The following FMN1 variants were observed in gnomAD, a reference collection of about 807,000 sequenced individuals.
The protein encoded by FMN1 is formin 1.
Under a neutral mutation model 132.4 loss-of-function variants are expected in FMN1, and 110 were observed. The ratio of observed to expected loss-of-function variants is 0.83; its 90% CI spans 0.71 to 0.97. FMN1 has a LOEUF of 0.97. FMN1 is among the 50% of genes least tolerant of loss of function. The pLI, the probability that FMN1 is intolerant of heterozygous loss-of-function variation, is 0.00. For missense variants in FMN1, 1,792 were observed against 1,705.3 expected, an observed-to-expected ratio of 1.05 and a Z score of -0.90; for synonymous variants, 722 against 651.7, an observed-to-expected ratio of 1.11 and a Z score of -1.64.
At chr15:32,893,379 TGTGCGCGCTCGTGC>T (rs368819579) in intron 15 of FMN1, among the ~76,000 whole-genome samples, 262 of 152,372 alleles carry the variant, frequency 1.7e-3, no homozygotes, top group African/African-American at 6.0e-3. Context: ...CGTGTGTGTG[TGTGCGCGCTCGTGC>T]GCGCGCTAGA....
In FMN1 at chr15:32,949,074, T is replaced by G. The variant is rs555446922; in HGVS notation, c.3138+15033A>C. Among the ~76,000 whole-genome samples the G allele has an allele frequency of 8.1e-4, 123 of 152,232 alleles. 2 individuals carry two copies. The South Asian group carries it at 0.023, about 29-fold the overall frequency. ...ATACATTTCAGCTACATCCTATGAG[T>G]CTTATCAGTATTTTTGTTTTTTGCT... is the stretch of plus-strand genomic sequence containing the variant. On this transcript the variant is annotated intron_variant, in intron 9 of 20. Coordinates refer to ENST00000616417, the MANE Select transcript of FMN1 (RefSeq NM_001277313.2).
chr15:33,001,295 A>C (rs969635855), intron 7 of FMN1, among the ~76,000 whole-genome samples: 1 of 152,198 alleles, frequency 6.6e-6, no homozygotes, highest in South Asian at 2.1e-4. Flanking sequence ...AAAAGAAAAA[A>C]AAAAGTGTAG....
At chr15:32,802,760 C>T (rs533010962) in intron 18 of FMN1, among the ~76,000 whole-genome samples, 2 of 152,280 alleles carry the variant, frequency 1.3e-5, no homozygotes, top group African/African-American at 2.4e-5. Context: ...CTGACACCAA[C>T]GTGCCCTTGT....
chr15:33,141,297 A>G (rs1180828120), intron 4 of FMN1, among the ~76,000 whole-genome samples: 1 of 152,148 alleles, frequency 6.6e-6, no homozygotes, highest in Non-Finnish European at 1.5e-5. Context: ...TCAGTTCAAA[A>G]TCCACCTGAA....
intron 6 of FMN1, among the ~76,000 whole-genome samples, chr15:33,058,087 G>GC (rs2037314945): frequency 6.6e-6 from 1 of 151,802 alleles, no homozygotes; most frequent in Non-Finnish European, 1.5e-5. Flanking sequence ...AGGTGTGATG[G>GC]GGGTGCTGGT....
intron 4 of FMN1, among the ~76,000 whole-genome samples, chr15:33,128,703 G>A (rs985260090): frequency 3.9e-5 from 6 of 152,206 alleles, no homozygotes; most frequent in Non-Finnish European, 7.3e-5. Context: ...TAAACCCGCG[G>A]ACCCTCACGG....
chr15:32,941,473 T>C (rs1383943941), intron 9 of FMN1, among the ~76,000 whole-genome samples: 1 of 152,216 alleles, frequency 6.6e-6, no homozygotes, highest in Non-Finnish European at 1.5e-5. Context: ...TACATTTAGA[T>C]AATGCACACA....
At chr15:32,802,835 G>A (rs1476615441) in intron 18 of FMN1, among the ~76,000 whole-genome samples, 1 of 152,114 alleles carries the variant, frequency 6.6e-6, no homozygotes, top group Admixed American at 6.6e-5. Context: ...CATTGTGAAG[G>A]GAAGCTTAAC....
At chr15:32,854,671 G>C (rs910514495) in intron 17 of FMN1, among the ~76,000 whole-genome samples, 16 of 152,300 alleles carry the variant, frequency 1.1e-4, no homozygotes, top group Admixed American at 3.3e-4. Flanking sequence ...CCAGCACTTT[G>C]GGAGGCCGAG....
chr15:33,142,870 T>G (rs1372265005), intron 4 of FMN1, among the ~76,000 whole-genome samples: 1 of 152,210 alleles, frequency 6.6e-6, no homozygotes, highest in Admixed American at 6.5e-5. Flanking sequence ...GGCTATAAAA[T>G]GTACCTTGGT....
chr15:33,151,962 T>G (rs916162673), intron 4 of FMN1, among the ~76,000 whole-genome samples: 13 of 152,210 alleles, frequency 8.5e-5, no homozygotes, highest in African/African-American at 2.4e-4. Flanking sequence ...TTTATAAAAT[T>G]TCACAAGTTC....
intron 4 of FMN1, among the ~76,000 whole-genome samples, chr15:33,120,690 T>A (rs984234223): frequency 6.6e-6 from 1 of 152,208 alleles, no homozygotes; most frequent in African/African-American, 2.4e-5. Flanking sequence ...ATCTACATCA[T>A]TCTTTTAAGT....
intron 17 of FMN1, among the ~76,000 whole-genome samples, chr15:32,834,976 G>A (rs557628516): frequency 2.6e-4 from 40 of 152,338 alleles, no homozygotes; most frequent in African/African-American, 9.1e-4. Flanking sequence ...TGCCATTGCA[G>A]TTTGGCTTTG....
intron 3 of FMN1, among the ~76,000 whole-genome samples, chr15:33,157,188 C>G (rs1964705058): frequency 6.6e-6 from 1 of 151,400 alleles, no homozygotes; most frequent in South Asian, 2.1e-4. Flanking sequence ...TCCCTTGAAC[C>G]CAGGAGGCCA....
rs929542783 is a variant in FMN1 at position 32,925,297 on chromosome 15, A to C, written c.3226+877T>G. 6.3e-4 allele frequency among the ~76,000 whole-genome samples: 96 copies of C among 152,236 alleles called. 1 individual carries two copies. The highest frequency in any genetic ancestry group is 1.2e-3 in the Admixed American group (19 of 15,286). On this transcript the variant is annotated intron_variant, in intron 10 of 20. Transcript: ENST00000616417. Reference sequence around the variant, plus strand: ...GAAATAATAAATCCAGGCAAAGATAATAAGTGCTCACTAACATCACAGATA... The same window carrying C: ...GAAATAATAAATCCAGGCAAAGATACTAAGTGCTCACTAACATCACAGATA...
intron 7 of FMN1, among the ~76,000 whole-genome samples, chr15:32,999,262 T>G (rs1405136016): frequency 6.6e-6 from 1 of 152,214 alleles, no homozygotes; most frequent in African/African-American, 2.4e-5. Flanking sequence ...TTAAATGTAT[T>G]GTGTTGATAA....
chr15:33,067,892 T>G (rs2037822312), intron 5 of FMN1: 1 of 1,599,066 alleles, frequency 6.3e-7, no homozygotes, highest in East Asian at 2.2e-5. Context: ...CATGTCTCAG[T>G]AATGCCCTTG....
intron 4 of FMN1, chr15:33,105,847 G>A (rs2039464535): frequency 6.6e-6 from 1 of 152,006 alleles, no homozygotes; most frequent in African/African-American, 2.4e-5. Flanking sequence ...CAAAGAACAG[G>A]GTGCCTATGG....
At chr15:32,965,456 A>G (rs932736889) in intron 8 of FMN1, among the ~76,000 whole-genome samples, 2 of 152,158 alleles carry the variant, frequency 1.3e-5, no homozygotes, top group African/African-American at 4.8e-5. Context: ...CTATATACTT[A>G]TTGTTTATCA....
Sources: allele counts gnomAD v4.1 joint callset (sites outside exome capture counted in the v4.1 genomes callset), GRCh38; gene constraint gnomAD v4.1.1; transcripts MANE v1.5; gene names NCBI Gene and HGNC (gene_info 2026-07-23, HGNC 2026-07-21).